The following MTA3 variants were observed in gnomAD, a reference collection of about 807,000 sequenced individuals.
The protein encoded by MTA3 is metastasis associated 1 family member 3.
In MTA3, 34 loss-of-function variants were observed where a neutral mutation model predicts 83.5. The observed-to-expected ratio is 0.41, with a 90% CI of 0.31 to 0.54. The LOEUF is 0.54. MTA3 is among the 20% of genes least tolerant of loss of function. MTA3 has a pLI of 0.33. For missense variants in MTA3, 761 were observed against 726.4 expected (o/e 1.05, Z -0.55); for synonymous variants, 303 against 252.7 (o/e 1.20, Z -1.89).
chr2:42,519,575 CA>C (rs1221449660), intron 2 of MTA3, among the ~76,000 whole-genome samples: 1 of 149,964 alleles, frequency 6.7e-6, no homozygotes, highest in Non-Finnish European at 1.5e-5. Context: ...CACTGCACTC[CA>C]GCCTGGGTGA....
intron 3 of MTA3, among the ~76,000 whole-genome samples, chr2:42,609,120 C>T (rs969604488): frequency 5.9e-5 from 9 of 151,444 alleles, no homozygotes; most frequent in Non-Finnish European, 8.8e-5. Context: ...AAACTCCACC[C>T]CCTGGATTCA....
chr2:42,672,645 CAAAAAAAAAAAAA>C (rs5830734), intron 8 of MTA3, among the ~76,000 whole-genome samples: 7 of 51,548 alleles, frequency 1.4e-4, no homozygotes, highest in Admixed American at 3.5e-4. Context: ...ATTCCATCTC[CAAAAAAAAAAAAA>C]AAAAAAAAAA....
At chr2:42,511,664 C>T (rs944282656) in intron 2 of MTA3, 1 of 152,378 alleles carries the variant, frequency 6.6e-6, no homozygotes, top group Non-Finnish European at 1.5e-5. Flanking sequence ...TGCAGTGAGC[C>T]AAGATCGCCC....
At chr2:42,525,409 A>G (rs1331110764) in intron 2 of MTA3, among the ~76,000 whole-genome samples, 2 of 151,530 alleles carry the variant, frequency 1.3e-5, no homozygotes, top group East Asian at 3.9e-4. Flanking sequence ...CGTGTTGCCC[A>G]GGTTGGTCTT....
At chr2:42,525,177 A>C (rs1675630507) in intron 2 of MTA3, among the ~76,000 whole-genome samples, 2 of 142,352 alleles carry the variant, frequency 1.4e-5, no homozygotes, top group African/African-American at 5.2e-5. Context: ...TCAGCACTTC[A>C]ATTTCTTTTT....
At chr2:42,605,029 C>T (rs1683079002) in intron 3 of MTA3, among the ~76,000 whole-genome samples, 1 of 150,768 alleles carries the variant, frequency 6.6e-6, no homozygotes, top group Non-Finnish European at 1.5e-5. Context: ...ATCTTTTCCC[C>T]ACCTTTCCCG....
chr2:42,717,981 A>C (rs957426002), intron 14 of MTA3, among the ~76,000 whole-genome samples: 2 of 152,180 alleles, frequency 1.3e-5, no homozygotes, highest in Non-Finnish European at 2.9e-5. Context: ...GCTAGAAATG[A>C]AGCATATTTC....
chr2:42,737,927 A>G (rs1668727667), intron 16 of MTA3, among the ~76,000 whole-genome samples: 1 of 152,338 alleles, frequency 6.6e-6, no homozygotes, highest in East Asian at 1.9e-4. Flanking sequence ...TAATATCACA[A>G]TAAAGCAAGT....
chr2:42,725,572 G>A (rs1230616427), intron 16 of MTA3, among the ~76,000 whole-genome samples: 4 of 152,228 alleles, frequency 2.6e-5, no homozygotes, highest in African/African-American at 4.8e-5. Flanking sequence ...GGTTGGGAGA[G>A]CACAAGGAAG....
At chr2:42,593,069 C>T (rs972283978) in intron 3 of MTA3, among the ~76,000 whole-genome samples, 5 of 152,002 alleles carry the variant, frequency 3.3e-5, no homozygotes, top group African/African-American at 9.7e-5. Context: ...AGGAGAATCG[C>T]TTGAACCCAG....
intron 2 of MTA3, among the ~76,000 whole-genome samples, chr2:42,516,755 C>T (rs770063400): frequency 6.6e-6 from 1 of 152,046 alleles, no homozygotes; most frequent in Non-Finnish European, 1.5e-5. Context: ...AATTAGGAAA[C>T]CAAAATAGAA....
At chr2:42,512,391 G>A (rs1408727457) in intron 2 of MTA3, among the ~76,000 whole-genome samples, 1 of 152,136 alleles carries the variant, frequency 6.6e-6, no homozygotes, top group Non-Finnish European at 1.5e-5. Flanking sequence ...AGCAACAGCA[G>A]GTCCTCTCCC....
chr2:42,707,594 A>G (rs1289537110), intron 12 of MTA3, among the ~76,000 whole-genome samples: 1 of 152,156 alleles, frequency 6.6e-6, no homozygotes, highest in African/African-American at 2.4e-5. Flanking sequence ...ATTTCCAGAA[A>G]CATACACAAT....
At chr2:42,650,995 G>A (rs1164887405) in intron 6 of MTA3, among the ~76,000 whole-genome samples, 1 of 152,150 alleles carries the variant, frequency 6.6e-6, no homozygotes, top group Non-Finnish European at 1.5e-5. Context: ...AACCTAGATA[G>A]GTGCAGCTTA....
At chr2:42,547,487 C>A (rs1440670284) in intron 2 of MTA3, among the ~76,000 whole-genome samples, 1 of 152,228 alleles carries the variant, frequency 6.6e-6, no homozygotes, top group Admixed American at 6.5e-5. Context: ...CGCGCCAACG[C>A]GCCCGGCTAA....
At chr2:42,621,829 G>A (rs1248044905) in intron 4 of MTA3, among the ~76,000 whole-genome samples, 1 of 151,892 alleles carries the variant, frequency 6.6e-6, no homozygotes, top group Non-Finnish European at 1.5e-5. Flanking sequence ...TCGTGGCCGG[G>A]CAGAGGCGCT....
intron 2 of MTA3, chr2:42,532,896 T>C (rs182551598): frequency 5.5e-5 from 18 of 327,428 alleles, no homozygotes; most frequent in African/African-American, 4.0e-4. Context: ...GGCTTCTTTT[T>C]TTCCTGACCA....
At chr2:42,547,975 C>T (rs571361368) in intron 2 of MTA3, among the ~76,000 whole-genome samples, 4 of 151,788 alleles carry the variant, frequency 2.6e-5, no homozygotes, top group African/African-American at 9.7e-5. Context: ...GTACGGAGTC[C>T]TTCTAAGGCC....
rs1211133796 is a variant in MTA3, at chr2:42,594,728, A to ATTTTTTTTTTT, written c.191-14724_191-14714dup. Among the ~76,000 whole-genome samples, 37 of 24,042 alleles carry ATTTTTTTTTTT rather than the reference A, an allele frequency of 1.5e-3. 3 individuals are homozygous for ATTTTTTTTTTT. Among genetic ancestry groups the ATTTTTTTTTTT allele is most frequent in the African/African-American group, 6.3e-3 (28 of 4,472 alleles). 15.8% of individuals were successfully genotyped at this position (24,042 alleles called of 152,430 possible). On this transcript the variant is annotated intron_variant, in intron 3 of 16. Transcript: ENST00000405094. ...TACATATATATATATATATATATAT[A>ATTTTTTTTTTT]TTTTTTTTTTTTTTTTGAGACAGAG...
Sources: gnomAD v4.1 joint callset for allele counts (sites outside exome capture counted in the v4.1 genomes callset) on GRCh38, gnomAD v4.1.1 for gene constraint, MANE v1.5 for transcripts, NCBI Gene and HGNC (gene_info 2026-07-23, HGNC 2026-07-21) for gene names.